The following MACROD2 variants were observed in gnomAD, a reference collection of about 807,000 sequenced individuals.
MACROD2 encodes the protein mono-ADP ribosylhydrolase 2.
A neutral mutation model predicts 70.4 loss-of-function variants in MACROD2; 36 were observed. The ratio of observed to expected loss-of-function variants is 0.51; its 90% CI spans 0.39 to 0.68. The LOEUF is 0.68. MACROD2 is among the 30% of genes least tolerant of loss of function. The pLI, the probability that MACROD2 is intolerant of heterozygous loss-of-function variation, is 0.00. For missense variants in MACROD2, 496 were observed against 538.4 expected (o/e 0.92, Z 0.78); for synonymous variants, 172 against 178.8 (o/e 0.96, Z 0.30).
At chr20:14,387,306 G>A (rs1217301575) in intron 3 of MACROD2, among the ~76,000 whole-genome samples, 1 of 152,092 alleles carries the variant, frequency 6.6e-6, no homozygotes, top group African/African-American at 2.4e-5. Context: ...CCTCTCCAAG[G>A]ATTGCTGTTG....
intron 13 of MACROD2, among the ~76,000 whole-genome samples, chr20:15,974,335 G>A (rs1028616127): frequency 3.3e-5 from 5 of 151,186 alleles, no homozygotes; most frequent in Non-Finnish European, 7.4e-5. Flanking sequence ...TTATTATTCA[G>A]CACTAAAAAG....
intron 5 of MACROD2, among the ~76,000 whole-genome samples, chr20:14,735,546 A>T (rs2071653764): frequency 1.3e-5 from 2 of 152,260 alleles, no homozygotes; most frequent in African/African-American, 4.8e-5. Context: ...TTGCTGGTGG[A>T]AATATAAAGT....
chr20:15,745,840 T>G (rs565141665), intron 8 of MACROD2, among the ~76,000 whole-genome samples: 2 of 152,298 alleles, frequency 1.3e-5, no homozygotes, highest in South Asian at 4.1e-4. Context: ...CTGTGCTCTT[T>G]CTGCTGTATA....
chr20:14,238,785 T>G (rs2081901300), intron 3 of MACROD2, among the ~76,000 whole-genome samples: 1 of 151,676 alleles, frequency 6.6e-6, no homozygotes, highest in Non-Finnish European at 1.5e-5. Context: ...TCCCAGCACT[T>G]TGGGAGGCCG....
chr20:15,415,894 T>A (rs2146331448), intron 6 of MACROD2, among the ~76,000 whole-genome samples: 1 of 152,286 alleles, frequency 6.6e-6, no homozygotes. Flanking sequence ...TCTTAGTGAA[T>A]CCTAGGTTTG....
chr20:15,023,205 C>T (rs1179921983), intron 5 of MACROD2, among the ~76,000 whole-genome samples: 1 of 152,136 alleles, frequency 6.6e-6, no homozygotes, highest in African/African-American at 2.4e-5. Flanking sequence ...AAGAAAAAGC[C>T]TTGGGCCAGA....
At chr20:14,993,094 G>A (rs1032949703) in intron 5 of MACROD2, among the ~76,000 whole-genome samples, 3 of 151,948 alleles carry the variant, frequency 2.0e-5, no homozygotes, top group Non-Finnish European at 4.4e-5. Flanking sequence ...GCCAGAAACC[G>A]CCTGTTTCTT....
intron 2 of MACROD2, among the ~76,000 whole-genome samples, chr20:14,071,365 G>A (rs1009307682): frequency 6.9e-6 from 1 of 144,010 alleles, no homozygotes; most frequent in Admixed American, 7.3e-5. Flanking sequence ...GGTGCATGCC[G>A]TTCTCCTGCC....
chr20:14,063,144 CT>C (rs1223862974), intron 2 of MACROD2, among the ~76,000 whole-genome samples: 3 of 152,090 alleles, frequency 2.0e-5, no homozygotes, highest in Non-Finnish European at 4.4e-5. Flanking sequence ...TGGGACATGG[CT>C]TAAATGGCTT....
intron 4 of MACROD2, among the ~76,000 whole-genome samples, chr20:14,563,984 T>C (rs1347899628): frequency 2.6e-5 from 4 of 151,944 alleles, no homozygotes; most frequent in Non-Finnish European, 5.9e-5. Flanking sequence ...AGCATGGTAC[T>C]GGTATAAAAC....
At chr20:14,466,432 C>T (rs1204177043) in intron 3 of MACROD2, among the ~76,000 whole-genome samples, 4 of 152,038 alleles carry the variant, frequency 2.6e-5, no homozygotes, top group East Asian at 1.9e-4. Context: ...GTTATCCATT[C>T]GTCTAATTTT....
At chr20:14,544,470 G>A (rs2085468766) in intron 4 of MACROD2, among the ~76,000 whole-genome samples, 1 of 152,020 alleles carries the variant, frequency 6.6e-6, no homozygotes, top group South Asian at 2.1e-4. Flanking sequence ...ATAGCTATAT[G>A]TGTGAGAATT....
chr20:14,494,433 C>T (rs1385498931), intron 4 of MACROD2, among the ~76,000 whole-genome samples: 3 of 152,028 alleles, frequency 2.0e-5, no homozygotes, highest in African/African-American at 7.2e-5. Flanking sequence ...TTTTAAAAAA[C>T]AGAATCTTGA....
intron 3 of MACROD2, among the ~76,000 whole-genome samples, chr20:14,168,206 C>T (rs963341005): frequency 5.3e-5 from 8 of 151,924 alleles, no homozygotes; most frequent in African/African-American, 1.7e-4. Flanking sequence ...GAGTAAGTGA[C>T]CTACAAACAC....
chr20:14,033,606 C>T (rs1309673738), intron 2 of MACROD2, among the ~76,000 whole-genome samples: 8 of 152,068 alleles, frequency 5.3e-5, no homozygotes, highest in Middle Eastern at 3.2e-3. Flanking sequence ...AATTAATGAA[C>T]GTGATACATG....
intron 5 of MACROD2, among the ~76,000 whole-genome samples, chr20:15,087,789 G>T (rs2123153957): frequency 6.6e-6 from 1 of 151,984 alleles, no homozygotes; most frequent in Non-Finnish European, 1.5e-5. Context: ...TTACCAATTT[G>T]AAAGAATTAG....
intron 10 of MACROD2, among the ~76,000 whole-genome samples, chr20:15,916,420 G>A (rs2065316597): frequency 6.6e-6 from 1 of 152,220 alleles, no homozygotes; most frequent in South Asian, 2.1e-4. Context: ...GCTGTGTTCT[G>A]TTCATTAGAA....
intron 5 of MACROD2, among the ~76,000 whole-genome samples, chr20:14,859,145 G>C (rs1318730430): frequency 1.3e-5 from 2 of 151,994 alleles, no homozygotes; most frequent in African/African-American, 4.8e-5. Context: ...TTAGGTGATG[G>C]CTGTGGTGCA....
At chr20:14,262,399 C>G (rs908992375) in intron 3 of MACROD2, among the ~76,000 whole-genome samples, 3 of 152,086 alleles carry the variant, frequency 2.0e-5, no homozygotes, top group African/African-American at 7.2e-5. Context: ...ATAAGAAATT[C>G]AAAAGGAGAA....
Sources: gnomAD v4.1 joint callset for allele counts (sites outside exome capture counted in the v4.1 genomes callset) on GRCh38, gnomAD v4.1.1 for gene constraint, MANE v1.5 for transcripts, NCBI Gene and HGNC (gene_info 2026-07-23, HGNC 2026-07-21) for gene names.